The following KMT2C variants were observed in gnomAD, a reference collection of about 807,000 sequenced individuals.
The protein encoded by KMT2C is histone-lysine N-methyltransferase 2C.
KMT2C carries 88 observed loss-of-function variants against 507.9 expected under a neutral mutation model. That is an observed-to-expected ratio of 0.17 (90% CI 0.15 to 0.21). KMT2C has a LOEUF of 0.21. Among genes scored for constraint, KMT2C ranks in the 10% least tolerant of loss-of-function variants. The probability of loss-of-function intolerance (pLI) is 1.00; values close to 1 mark genes in which losing one functional copy is unlikely to be tolerated. For synonymous variants in KMT2C, 2,049 were observed against 2,080.8 expected, an observed-to-expected ratio of 0.98 and a Z score of 0.42; for missense variants, 4,954 against 5,957.8, an observed-to-expected ratio of 0.83 and a Z score of 5.55.
At chr7:152,389,029 T>G (rs550643287) in intron 1 of KMT2C, among the ~76,000 whole-genome samples, 109 of 152,282 alleles carry the variant, frequency 7.2e-4, no homozygotes, top group Middle Eastern at 3.4e-3. Flanking sequence ...ATTATAGGCA[T>G]GAGCCACCGC....
At chr7:152,424,133 C>T (rs1159463032) in intron 1 of KMT2C, among the ~76,000 whole-genome samples, 3 of 151,464 alleles carry the variant, frequency 2.0e-5, no homozygotes, top group Non-Finnish European at 2.9e-5. Flanking sequence ...TTTCTGAGAC[C>T]GGGTATTGTT....
At chr7:152,360,925 G>A (rs921352864) in intron 1 of KMT2C, among the ~76,000 whole-genome samples, 1 of 147,484 alleles carries the variant, frequency 6.8e-6, no homozygotes, top group African/African-American at 2.6e-5. Flanking sequence ...TCAAAAAGTC[G>A]GTCTTAACCA....
At chr7:152,275,294 C>T (rs376154967) in intron 6 of KMT2C, among the ~76,000 whole-genome samples, 2 of 152,110 alleles carry the variant, frequency 1.3e-5, no homozygotes, top group African/African-American at 2.4e-5. Context: ...CCTGTAATCC[C>T]GGCACTTTGG....
chr7:152,307,195 GAGGAAGGAAGGAAGGAAGGA>G (rs565184971), intron 6 of KMT2C, among the ~76,000 whole-genome samples: 41 of 64,958 alleles, frequency 6.3e-4, no homozygotes, highest in South Asian at 5.9e-3. Flanking sequence ...AAAGAAGAGG[GAGGAAGGAAGGAAGGAAGGA>G]AGGAAGGAAG....
intron 25 of KMT2C, among the ~76,000 whole-genome samples, chr7:152,204,456 A>AT (rs1256009246): frequency 1.3e-5 from 2 of 152,092 alleles, no homozygotes; most frequent in African/African-American, 4.8e-5. Flanking sequence ...TTAGCTAGGC[A>AT]TGGTGGTGTG....
At chr7:152,345,774 G>A (rs774599675) in intron 2 of KMT2C, among the ~76,000 whole-genome samples, 2 of 152,144 alleles carry the variant, frequency 1.3e-5, no homozygotes, top group Non-Finnish European at 2.9e-5. Flanking sequence ...ACCTGCCTCA[G>A]CCTCCTAAAG....
intron 16 of KMT2C, among the ~76,000 whole-genome samples, chr7:152,234,164 G>A (rs1263571208): frequency 6.6e-6 from 1 of 151,930 alleles, no homozygotes; most frequent in East Asian, 1.9e-4. Flanking sequence ...GAGGCAGGTG[G>A]ATCAGGAGTT....
At chr7:152,317,276 T>C (rs1423842789) in intron 3 of KMT2C, among the ~76,000 whole-genome samples, 1 of 152,184 alleles carries the variant, frequency 6.6e-6, no homozygotes, top group Non-Finnish European at 1.5e-5. Flanking sequence ...AAAGGTTGTA[T>C]GAAGTAAGGG....
intron 24 of KMT2C, 138 bp from the exon 25 acceptor site, chr7:152,205,363 G>C: frequency 5.2e-6 from 1 of 191,734 alleles, no homozygotes; most frequent in Admixed American, 7.7e-5. Context: ...TCAATAACCT[G>C]ATTTTTAGGT....
intron 51 of KMT2C, 46 bp downstream of exon 51, chr7:152,150,854 G>A (rs771479191): frequency 1.6e-6 from 2 of 1,288,192 alleles, no homozygotes; most frequent in Admixed American, 3.4e-5. Flanking sequence ...GAACACAGAA[G>A]TCACTCGTTA....
rs73730358 is a variant in KMT2C at position 152,147,290 on chromosome 7, A to C, written c.13895-555T>G. On this transcript the variant is annotated intron_variant, in intron 52 of 58. Transcript: ENST00000262189. Reference sequence around the variant, plus strand: ...AACTAAGTGTTTAATTTCCATCTCTAAACTTACGTAATATCTGATGTTCCT... The same window carrying C: ...AACTAAGTGTTTAATTTCCATCTCTCAACTTACGTAATATCTGATGTTCCT... 9.1e-3 allele frequency among the ~76,000 whole-genome samples: 1,382 copies of C among 152,264 alleles called. 31 individuals carry two copies. The highest frequency in any genetic ancestry group is 0.032 in the African/African-American group (1,331 of 41,536).
At chr7:152,259,111 G>GA (rs1208347869) in intron 9 of KMT2C, among the ~76,000 whole-genome samples, 1 of 150,832 alleles carries the variant, frequency 6.6e-6, no homozygotes, top group Admixed American at 6.6e-5. Context: ...AAATTTGTTT[G>GA]AAAAAAAGAA....
intron 1 of KMT2C, among the ~76,000 whole-genome samples, chr7:152,406,687 T>TC (rs2097618618): frequency 6.6e-6 from 1 of 152,302 alleles, no homozygotes; most frequent in Admixed American, 6.5e-5. Context: ...AGCCATTTTT[T>TC]TTTCTTAGTA....
chr7:152,191,490 G>A (rs2093791534), intron 31 of KMT2C, among the ~76,000 whole-genome samples: 1 of 152,150 alleles, frequency 6.6e-6, no homozygotes, highest in Admixed American at 6.5e-5. Flanking sequence ...AATCAGCACG[G>A]AAGTATCTTT....
intron 6 of KMT2C, among the ~76,000 whole-genome samples, chr7:152,308,700 A>T (rs2096642505): frequency 6.7e-6 from 1 of 148,336 alleles, no homozygotes; most frequent in Non-Finnish European, 1.5e-5. Context: ...AAAAAAAAAA[A>T]GGAAGGCCAG....
intron 43 of KMT2C, among the ~76,000 whole-genome samples, chr7:152,160,269 AGG>A (rs1205824173): frequency 2.0e-5 from 3 of 152,154 alleles, no homozygotes; most frequent in African/African-American, 7.2e-5. Flanking sequence ...GTGGCTCTCA[AGG>A]GGTCTCCAGG....
chr7:152,412,456 T>C (rs573204821), intron 1 of KMT2C, among the ~76,000 whole-genome samples: 1 of 152,288 alleles, frequency 6.6e-6, no homozygotes, highest in African/African-American at 2.4e-5. Flanking sequence ...TTTATAGATG[T>C]TTATCATGTT....
intron 9 of KMT2C, among the ~76,000 whole-genome samples, chr7:152,255,120 T>TATATATATATATATATATATATAC (rs2095629869): frequency 2.9e-5 from 3 of 103,022 alleles, no homozygotes; most frequent in Non-Finnish European, 5.2e-5. Context: ...TATATATATA[T>TATATATATATATATATATATATAC]ATATATATAT....
Position 152,238,829 on chromosome 7 carries a change from AG to A in KMT2C, c.2533-4del. On this transcript the variant is annotated splice_polypyrimidine_tract_variant and splice_region_variant and intron_variant, in intron 14 of 58. Coordinates refer to ENST00000262189, the MANE Select transcript of KMT2C (RefSeq NM_170606.3). ...GTATTATGGGTACTCCAAGCCCCCT[AG>A]GATATGGCAGTTGAGAAAATAGATG... The A allele has an allele frequency of 6.3e-7, 1 of 1,588,906 alleles. No individual in the cohort carries two copies. The highest frequency in any genetic ancestry group is 1.2e-5 in the South Asian group (1 of 86,226).
Sources: allele counts gnomAD v4.1 joint callset (sites outside exome capture counted in the v4.1 genomes callset), GRCh38; gene constraint gnomAD v4.1.1; transcripts MANE v1.5; gene names NCBI Gene and HGNC (gene_info 2026-07-23, HGNC 2026-07-21).